RNF6: variants seen among roughly 807,000 people sequenced by gnomAD.
RNF6 encodes the protein E3 ubiquitin-protein ligase RNF6.
A neutral mutation model predicts 50.1 loss-of-function variants in RNF6; 21 were observed. That is an observed-to-expected ratio of 0.42 (90% CI 0.30 to 0.60). The LOEUF is 0.60. Among genes scored for constraint, RNF6 ranks in the 20% least tolerant of loss-of-function variants. RNF6 has a pLI of 0.20. For synonymous variants in RNF6, 255 were observed against 291.8 expected (o/e 0.87, Z 1.29); for missense variants, 698 against 838.2 (o/e 0.83, Z 2.07).
intron 5 of RNF6, among the ~76,000 whole-genome samples, chr13:26,167,024 G>A (rs1222879692): frequency 6.6e-6 from 1 of 152,208 alleles, no homozygotes; most frequent in Admixed American, 6.5e-5. Flanking sequence ...TCTTGGGTAT[G>A]TCTTTATTAG....
chr13:26,139,768 C>T (rs1319383684), intron 5 of RNF6, among the ~76,000 whole-genome samples: 1 of 152,112 alleles, frequency 6.6e-6, no homozygotes, highest in African/African-American at 2.4e-5. Flanking sequence ...GCAAATATTT[C>T]CTTGCATATG....
At position 26,134,976 on chromosome 13, in the gene RNF6, T is replaced by G. The variant is rs79611419; in HGVS notation, n.769-2525A>C. On this transcript the variant is annotated intron_variant and non_coding_transcript_variant, in intron 5 of 5. Transcript: ENST00000468480. ...TAAGTTAAAGTTAACAAAAAAAGAT[T>G]GGTAAACAAACGTGAATAGACAAAT... Among the ~76,000 whole-genome samples the G allele has an allele frequency of 8.5e-3, 1,299 of 152,282 alleles. 63 individuals carry two copies. The East Asian group carries it at 0.11, about 13-fold the overall frequency.
chr13:26,157,629 C>T (rs1194331294), intron 5 of RNF6, among the ~76,000 whole-genome samples: 1 of 152,238 alleles, frequency 6.6e-6, no homozygotes, highest in East Asian at 1.9e-4. Context: ...TCCTCAGTAA[C>T]AATCAAAGAA....
chr13:26,172,025 C>T (rs952940192), intron 5 of RNF6, among the ~76,000 whole-genome samples: 1 of 152,080 alleles, frequency 6.6e-6, no homozygotes, highest in Non-Finnish European at 1.5e-5. Flanking sequence ...CACTTAATGC[C>T]ACTAAATAGT....
intron 5 of RNF6, among the ~76,000 whole-genome samples, chr13:26,203,693 G>A (rs1868980921): frequency 6.6e-6 from 1 of 152,226 alleles, no homozygotes; most frequent in South Asian, 2.1e-4. Flanking sequence ...TGGGCGCAGT[G>A]GCTCACGCCT....
intron 5 of RNF6, among the ~76,000 whole-genome samples, chr13:26,163,741 T>C (rs1392576504): frequency 6.6e-6 from 1 of 152,170 alleles, no homozygotes; most frequent in African/African-American, 2.4e-5. Context: ...AAATTTATTG[T>C]TATACTTAAG....
chr13:26,144,098 T>A (rs989312061), intron 5 of RNF6, among the ~76,000 whole-genome samples: 3 of 151,960 alleles, frequency 2.0e-5, no homozygotes, highest in Non-Finnish European at 4.4e-5. Flanking sequence ...GGGGGCTCAG[T>A]GCTGGTCTCT....
At chr13:26,181,446 C>T (rs540274149) in intron 5 of RNF6, among the ~76,000 whole-genome samples, 52 of 152,294 alleles carry the variant, frequency 3.4e-4, no homozygotes, top group Non-Finnish European at 6.8e-4. Flanking sequence ...GCCTGTGAAA[C>T]CGTGAAAATG....
At chr13:26,175,256 G>T (rs1187762775) in intron 5 of RNF6, among the ~76,000 whole-genome samples, 1 of 152,072 alleles carries the variant, frequency 6.6e-6, no homozygotes, top group Non-Finnish European at 1.5e-5. Context: ...AATTTTTGTA[G>T]ATTTAGTAGA....
chr13:26,171,619 A>T (rs1872699654), intron 5 of RNF6, among the ~76,000 whole-genome samples: 2 of 152,218 alleles, frequency 1.3e-5, no homozygotes, highest in African/African-American at 2.4e-5. Context: ...AGCATTATCC[A>T]CAATAGCCAA....
intron 5 of RNF6, among the ~76,000 whole-genome samples, chr13:26,170,580 T>A (rs958667108): frequency 5.3e-5 from 8 of 152,190 alleles, no homozygotes; most frequent in Admixed American, 1.3e-4. Flanking sequence ...CTTAGTGTGA[T>A]CTTGAAAATT....
At chr13:26,196,636 A>T (rs1048804573) in intron 5 of RNF6, among the ~76,000 whole-genome samples, 3 of 151,272 alleles carry the variant, frequency 2.0e-5, no homozygotes, top group East Asian at 1.9e-4. Context: ...CTTTCTCCAA[A>T]AAATAAATAA....
chr13:26,171,315 G>C (rs369199697), intron 5 of RNF6, among the ~76,000 whole-genome samples: 50 of 152,260 alleles, frequency 3.3e-4, no homozygotes, highest in African/African-American at 1.0e-3. Context: ...GTAGTCATTA[G>C]GGAAGCGCAA....
chr13:26,177,083 G>T (rs1267203316), intron 5 of RNF6, among the ~76,000 whole-genome samples: 1 of 152,170 alleles, frequency 6.6e-6, no homozygotes, highest in Admixed American at 6.5e-5. Context: ...CCAGAGCTAG[G>T]AAAAGGCAAG....
chr13:26,159,026 T>C (rs529654025), intron 5 of RNF6, among the ~76,000 whole-genome samples: 2 of 152,278 alleles, frequency 1.3e-5, no homozygotes, highest in African/African-American at 4.8e-5. Context: ...ATTCTTTATA[T>C]GCTAAAACAT....
rs1165969274 is a variant in RNF6 at position 26,214,743 on chromosome 13, T to C, written c.1139A>G (p.Glu380Gly). Residue 380 changes from glutamate to glycine, a missense_variant, in exon 5 of 5, where the codon GAA becomes GGA. By Grantham distance (98) the Glu-to-Gly change is moderately conservative. Transcript: ENST00000381588. ...TGAGGATCTGCTGGATTCTTCTCCT[T>C]CTTCTACTGTTATTCTTGACACAAG... ...SRLVSRITVE[E>G]GEESSRSSTA... 19 of 1,614,176 alleles carry C rather than the reference T, an allele frequency of 1.2e-5. No homozygotes were observed. Among genetic ancestry groups the C allele is most frequent in the Non-Finnish European group, 1.4e-5 (17 of 1,180,032 alleles).
intron 5 of RNF6, among the ~76,000 whole-genome samples, chr13:26,152,209 C>T (rs1871647249): frequency 6.6e-6 from 1 of 152,190 alleles, no homozygotes; most frequent in Non-Finnish European, 1.5e-5. Flanking sequence ...ACACATTCAA[C>T]ACGTTTCACA....
At position 26,164,805 on chromosome 13, in the gene RNF6, T is replaced by C. The variant is rs558918055; in HGVS notation, n.769-32354A>G. Among the ~76,000 whole-genome samples, 56 of 152,244 alleles carry C rather than the reference T, an allele frequency of 3.7e-4. 1 individual carries two copies. In the South Asian group the frequency reaches 0.012, roughly 32 times the overall value. Reference sequence around the variant, plus strand: ...GTTCATGTCTGCTTAAACAATCTTCTCCTGAATGACTTTGGGTGCTGTTAA... The same window carrying C: ...GTTCATGTCTGCTTAAACAATCTTCCCCTGAATGACTTTGGGTGCTGTTAA... On this transcript the variant is annotated intron_variant and non_coding_transcript_variant, in intron 5 of 5. Transcript: ENST00000468480.
chr13:26,214,563 C>A lies in RNF6; in HGVS notation c.1319G>T (p.Gly440Val), dbSNP rs1426345598. 6.2e-7 allele frequency: 1 copy of A among 1,614,128 alleles called. No individual in the cohort carries two copies. The highest frequency in any genetic ancestry group is 1.3e-5 in the African/African-American group (1 of 75,056). The change falls in exon 5 of 5, where the codon GGC becomes GTC. Residue 440 changes from glycine (G) to valine (V), a missense_variant. Gly to Val is a moderately radical substitution (Grantham distance 109). Transcript: ENST00000381588. Reference sequence around the variant, plus strand: ...TAAACGAGAAATGGTTCGGCGAAAGCCCCCACTATTGCTTTCAATAGTGAC... The same window carrying A: ...TAAACGAGAAATGGTTCGGCGAAAGACCCCACTATTGCTTTCAATAGTGAC... ...NTVTIESNSG[G>V]FRRTISRLER...
Sources: allele counts gnomAD v4.1 joint callset (sites outside exome capture counted in the v4.1 genomes callset), GRCh38; gene constraint gnomAD v4.1.1; transcripts MANE v1.5; gene names NCBI Gene and HGNC (gene_info 2026-07-23, HGNC 2026-07-21).